Variants in ERBB4 observed in about 807,000 individuals in gnomAD.
The protein encoded by ERBB4 is erb-b2 receptor tyrosine kinase 4, also known as receptor tyrosine-protein kinase erbB-4.
ERBB4 carries 42 observed loss-of-function variants against 158.0 expected under a neutral mutation model. The observed-to-expected ratio is 0.27, with a 90% CI of 0.21 to 0.34. The LOEUF is 0.34. Ranked by LOEUF, ERBB4 falls within the 10% of genes least tolerant of loss-of-function variation. The pLI, the probability that ERBB4 is intolerant of heterozygous loss-of-function variation, is 1.00. For synonymous variants in ERBB4, 583 were observed against 558.7 expected (o/e 1.04, Z -0.61); for missense variants, 1,333 against 1,624.1 (o/e 0.82, Z 3.08).
At chr2:212,536,225 T>C (rs1693050344) in intron 1 of ERBB4, among the ~76,000 whole-genome samples, 1 of 151,452 alleles carries the variant, frequency 6.6e-6, no homozygotes, top group African/African-American at 2.4e-5. Context: ...ACACACAGCC[T>C]CACTCATACC....
intron 1 of ERBB4, among the ~76,000 whole-genome samples, chr2:212,515,777 TA>T (rs1691803798): frequency 6.6e-6 from 1 of 152,004 alleles, no homozygotes; most frequent in Admixed American, 6.6e-5. Context: ...TTCTTCAGGG[TA>T]ATGAACCATT....
intron 20 of ERBB4, among the ~76,000 whole-genome samples, chr2:211,440,317 A>G (rs989594134): frequency 1.3e-5 from 2 of 152,174 alleles, no homozygotes; most frequent in African/African-American, 4.8e-5. Flanking sequence ...GTGCTTTCCA[A>G]TGAGAATGGA....
At chr2:211,795,737 C>A (rs2076370105) in intron 3 of ERBB4, among the ~76,000 whole-genome samples, 1 of 151,032 alleles carries the variant, frequency 6.6e-6, no homozygotes, top group Non-Finnish European at 1.5e-5. Context: ...AAAATTCCTG[C>A]AAATTGCCAC....
At chr2:212,129,624 G>A (rs535684853) in intron 1 of ERBB4, among the ~76,000 whole-genome samples, 1 of 151,724 alleles carries the variant, frequency 6.6e-6, no homozygotes, top group South Asian at 2.1e-4. Context: ...CTCAGAAAAT[G>A]GCCCTCAACT....
At chr2:212,388,985 C>A (rs1330172875) in intron 1 of ERBB4, among the ~76,000 whole-genome samples, 1 of 152,058 alleles carries the variant, frequency 6.6e-6, no homozygotes, top group Non-Finnish European at 1.5e-5. Context: ...GCAATTTGTA[C>A]CTGCTTTACA....
At chr2:212,008,137 C>T (rs1310816420) in intron 2 of ERBB4, among the ~76,000 whole-genome samples, 1 of 152,014 alleles carries the variant, frequency 6.6e-6, no homozygotes, top group Non-Finnish European at 1.5e-5. Context: ...TGCAACTATG[C>T]AAATGATAGC....
chr2:212,112,756 C>A (rs2079451288), intron 2 of ERBB4, among the ~76,000 whole-genome samples: 2 of 152,144 alleles, frequency 1.3e-5, no homozygotes, highest in South Asian at 4.1e-4. Context: ...GTGCCCTGAA[C>A]CTATTTTAAC....
intron 1 of ERBB4, among the ~76,000 whole-genome samples, chr2:212,332,608 T>C (rs2088232215): frequency 6.6e-6 from 1 of 152,072 alleles, no homozygotes; most frequent in African/African-American, 2.4e-5. Context: ...TATTTTATTA[T>C]TCTGAGACTC....
chr2:212,278,112 A>G (rs1297558729), intron 1 of ERBB4, among the ~76,000 whole-genome samples: 1 of 151,748 alleles, frequency 6.6e-6, no homozygotes, highest in African/African-American at 2.4e-5. Context: ...GGACATAAAC[A>G]GTTTTGTACT....
intron 2 of ERBB4, among the ~76,000 whole-genome samples, chr2:212,079,272 A>G (rs899029312): frequency 6.6e-6 from 1 of 151,956 alleles, no homozygotes. Flanking sequence ...GCTTGCCAGC[A>G]ATAACTGTTA....
chr2:212,422,903 T>C (rs148420532), intron 1 of ERBB4, among the ~76,000 whole-genome samples: 1,987 of 152,284 alleles, frequency 0.013, 16 homozygotes, highest in Middle Eastern at 0.037. Flanking sequence ...CCTTACATCA[T>C]TTTCAATGGG....
chr2:212,003,176 A>G (rs754208011), intron 2 of ERBB4, among the ~76,000 whole-genome samples: 24 of 41,986 alleles, frequency 5.7e-4, no homozygotes, highest in Non-Finnish European at 1.5e-3. Context: ...AAAGAAAGAA[A>G]GAAAGAAAGA....
In ERBB4 at chr2:212,124,140, AAAAAAT is replaced by A. The variant is rs200861157; in HGVS notation, c.234+606_234+611del. Among the ~76,000 whole-genome samples, 1,059 of 152,272 alleles carry A rather than the reference AAAAAAT, an allele frequency of 7.0e-3. 7 individuals carry two copies. The highest frequency in any genetic ancestry group is 0.024 in the Middle Eastern group (7 of 294). The stretch of plus-strand genomic sequence containing the variant: ...TAACAGAGTATAGATCAATGAAAGC[AAAAAAT>A]AATAATAATAATTTCCAAAAGGACT... On this transcript the variant is annotated intron_variant, in intron 2 of 27. Coordinates refer to ENST00000342788, the MANE Select transcript of ERBB4 (RefSeq NM_005235.3).
intron 19 of ERBB4, among the ~76,000 whole-genome samples, chr2:211,572,268 A>G (rs190438567): frequency 6.6e-6 from 1 of 152,176 alleles, no homozygotes; most frequent in African/African-American, 2.4e-5. Context: ...CAATAAACAC[A>G]TGTTGAATTA....
At chr2:211,844,713 C>T (rs1030118771) in intron 3 of ERBB4, among the ~76,000 whole-genome samples, 3 of 152,100 alleles carry the variant, frequency 2.0e-5, no homozygotes, top group Non-Finnish European at 1.5e-5. Flanking sequence ...TTTAGTTTGG[C>T]TGCATTCACA....
chr2:212,063,921 G>T (rs1211967903), intron 2 of ERBB4, among the ~76,000 whole-genome samples: 1 of 152,100 alleles, frequency 6.6e-6, no homozygotes, highest in Admixed American at 6.5e-5. Context: ...ACTAAAGCTG[G>T]AGGTGACTTT....
intron 3 of ERBB4, among the ~76,000 whole-genome samples, chr2:211,851,323 T>C (rs1443335545): frequency 6.6e-6 from 1 of 151,470 alleles, no homozygotes; most frequent in Non-Finnish European, 1.5e-5. Context: ...AAAGAAAAAA[T>C]CAAAATGGAA....
chr2:212,492,172 A>T (rs1252303254), intron 1 of ERBB4, among the ~76,000 whole-genome samples: 1 of 151,506 alleles, frequency 6.6e-6, no homozygotes, highest in Non-Finnish European at 1.5e-5. Context: ...AAAATATGAA[A>T]TTGGATAGGA....
Position 211,464,348 on chromosome 2 carries a change from G to A in ERBB4, c.2488-33248C>T, listed in dbSNP as rs2064618779. ...CTGCGTAGAGTTATGCAATACTGTG[G>A]CCTTCCAAACAGTTGGGGTATTTTC... On this transcript the variant is annotated intron_variant, in intron 20 of 27. Coordinates refer to ENST00000342788, the MANE Select transcript of ERBB4 (RefSeq NM_005235.3). 1.3e-5 allele frequency among the ~76,000 whole-genome samples: 2 copies of A among 152,148 alleles called. 1 individual carries two copies. The highest frequency in any genetic ancestry group is 2.9e-5 in the Non-Finnish European group (2 of 68,024).
Sources: gnomAD v4.1 joint callset for allele counts (sites outside exome capture counted in the v4.1 genomes callset) on GRCh38, gnomAD v4.1.1 for gene constraint, MANE v1.5 for transcripts, NCBI Gene and HGNC (gene_info 2026-07-23, HGNC 2026-07-21) for gene names.